LTA: variants seen among roughly 807,000 people sequenced by gnomAD.
The protein encoded by LTA is lymphotoxin alpha, also known as lymphotoxin-alpha.
In LTA, 6 loss-of-function variants were observed where a neutral mutation model predicts 15.1. That is an observed-to-expected ratio of 0.40 (90% confidence interval 0.22 to 0.78). LTA has a LOEUF of 0.78. Ranked by LOEUF, LTA falls within the 30% of genes least tolerant of loss-of-function variation. LTA has a pLI of 0.38. For synonymous variants in LTA, 87 were observed against 107.3 expected, an observed-to-expected ratio of 0.81 and a Z score of 1.17; for missense variants, 173 against 249.5, an observed-to-expected ratio of 0.69 and a Z score of 2.06.
the LTA span, among the ~76,000 whole-genome samples, chr6:31,565,044 G>A: frequency 6.6e-6 from 1 of 152,168 alleles, no homozygotes; most frequent in Non-Finnish European, 1.5e-5. Flanking sequence ...GAAAAGCATG[G>A]CAAATGCAAA....
chr6:31,572,105 C>G (rs887301412), upstream of LTA: 2 of 154,662 alleles, frequency 1.3e-5, no homozygotes, highest in African/African-American at 4.8e-5. Context: ...ACTCAGTCGC[C>G]TGAACCCCCA....
Position 31,573,488 on chromosome 6 carries a change from T to G in LTA, c.413T>G (p.Phe138Cys). The G allele has an allele frequency of 6.2e-7, 1 of 1,613,954 alleles. No homozygotes were observed. The change falls in exon 4 of 4, where the codon TTC (phenylalanine) becomes TGC (cysteine). Residue 138 changes from phenylalanine to cysteine, a missense_variant. By Grantham distance (205) the Phe-to-Cys change is radical. Transcript: ENST00000418386. ...PLYLAHEVQL[F>C]SSQYPFHVPL... ...TACCTGGCCCATGAGGTCCAGCTCT[T>G]CTCCTCCCAGTACCCCTTCCATGTG...
At chr6:31,566,609 C>T in the LTA span, among the ~76,000 whole-genome samples, 1 of 148,416 alleles carries the variant, frequency 6.7e-6, no homozygotes, top group African/African-American at 2.5e-5. Flanking sequence ...CACTGCACTC[C>T]AGCCTGGGTG....
chr6:31,572,782 G>T lies in LTA; in HGVS notation c.40G>T (p.Gly14Cys). 6.2e-7 allele frequency: 1 copy of T among 1,610,806 alleles called. No homozygotes were observed. The highest frequency in any genetic ancestry group is 1.1e-5 in the South Asian group (1 of 91,056). ...ACGTCTCTTCCTCCCAAGGGTGTGTGGCACCACCCTACACCTCCTCCTTCT... is the reference window on the plus strand; with the variant it reads ...ACGTCTCTTCCTCCCAAGGGTGTGTTGCACCACCCTACACCTCCTCCTTCT... ...PERLFLPRVC[G>C]TTLHLLLLGL... Residue 14 changes from glycine (G) to cysteine (C), a missense_variant, in exon 2 of 4, where the codon GGC becomes TGC. Gly to Cys is a radical substitution (Grantham distance 159, BLOSUM62 -3). Coordinates refer to ENST00000418386, the MANE Select transcript of LTA (RefSeq NM_000595.4).
chr6:31,562,896 C>T, the LTA span, among the ~76,000 whole-genome samples: 2 of 149,254 alleles, frequency 1.3e-5, no homozygotes, highest in Non-Finnish European at 3.0e-5. Context: ...TGCGGTGGCT[C>T]ACCCTTGTAA....
At position 31,572,755 on chromosome 6, in the gene LTA, G is replaced by C. The variant is rs886621370; in HGVS notation, c.13G>C (p.Glu5Gln). 6.2e-7 allele frequency: 1 copy of C among 1,608,576 alleles called. No homozygotes were observed. The change falls in exon 2 of 4, where the codon GAA (glutamate) becomes CAA (glutamine). Residue 5 changes from glutamate to glutamine, a missense_variant. By Grantham distance (29) the Glu-to-Gln change is conservative. Coordinates refer to ENST00000418386, the MANE Select transcript of LTA (RefSeq NM_000595.4). MTPP[E>Q]RLFLPRVCGT... The stretch of plus-strand genomic sequence containing the variant: ...GCAGGTTCTCCCCATGACACCACCT[G>C]AACGTCTCTTCCTCCCAAGGGTGTG...
chr6:31,565,962 G>A, the LTA span, among the ~76,000 whole-genome samples: 1 of 151,838 alleles, frequency 6.6e-6, no homozygotes, highest in African/African-American at 2.4e-5. Flanking sequence ...GGTGGATCAC[G>A]AGGTCAGGAG....
At chr6:31,566,313 C>A in the LTA span, among the ~76,000 whole-genome samples, 1 of 152,010 alleles carries the variant, frequency 6.6e-6, no homozygotes, top group East Asian at 1.9e-4. Flanking sequence ...CATTGCACTC[C>A]AACCTGGGCA....
the LTA span, among the ~76,000 whole-genome samples, chr6:31,565,463 A>G: frequency 6.6e-6 from 1 of 152,142 alleles, no homozygotes; most frequent in Non-Finnish European, 1.5e-5. Context: ...AGGGGAAACA[A>G]GTGCCTCAAA....
At chr6:31,572,659 A>T in intron 1 of LTA, 75 bp from the exon 2 acceptor site, 1 of 1,049,878 alleles carries the variant, frequency 9.5e-7, no homozygotes, top group Admixed American at 1.8e-5. Context: ...GCTCTCTCCC[A>T]GGGCGGGAGG....
chr6:31,569,233 T>C (rs1426101265), upstream of LTA, among the ~76,000 whole-genome samples: 2 of 152,158 alleles, frequency 1.3e-5, no homozygotes, highest in African/African-American at 4.8e-5. Context: ...ATTGTCTCTA[T>C]CTCCTGACCT....
At chr6:31,563,359 T>C in the LTA span, among the ~76,000 whole-genome samples, 1 of 152,148 alleles carries the variant, frequency 6.6e-6, no homozygotes, top group African/African-American at 2.4e-5. Context: ...CCACACTTGA[T>C]GGCCTTAAGC....
At chr6:31,571,456 C>G (rs1002269327), upstream of LTA, among the ~76,000 whole-genome samples, 12 of 152,200 alleles carry the variant, frequency 7.9e-5, no homozygotes, top group Admixed American at 6.5e-4. Flanking sequence ...CACCCTTAAG[C>G]CTCACCCATG....
chr6:31,565,941 A>G, the LTA span, among the ~76,000 whole-genome samples: 6,908 of 152,164 alleles, frequency 0.045, 172 homozygotes, highest in South Asian at 0.063. Flanking sequence ...GCACTTTGGG[A>G]GGCCGAGGTG....
At chr6:31,565,463 A>C in the LTA span, among the ~76,000 whole-genome samples, 1 of 152,142 alleles carries the variant, frequency 6.6e-6, no homozygotes, top group African/African-American at 2.4e-5. Context: ...AGGGGAAACA[A>C]GTGCCTCAAA....
At position 31,572,364 on chromosome 6, in the gene LTA, A is replaced by C. The variant is rs2239704; in HGVS notation, c.-92A>C. The C allele has an allele frequency of 0.62, 216,188 of 350,868 alleles. 67,795 individuals are homozygous for C. Among genetic ancestry groups the C allele is most frequent in the African/African-American group, 0.74 (34,930 of 47,428 alleles). 21.7% of individuals were successfully genotyped at this position (350,868 alleles called of 1,614,324 possible). On this transcript the variant is annotated 5_prime_UTR_variant, in exon 1 of 4. Coordinates refer to ENST00000418386, the MANE Select transcript of LTA (RefSeq NM_000595.4). ...TGCTTCGTGCTTTGGACTACCGCCC[A>C]GCAGTGTCCTGCCCTCTGCCTGGGC... is the stretch of plus-strand genomic sequence containing the variant.
intron 3 of LTA, 31 bp downstream of exon 3, chr6:31,573,064 C>T (rs1005451307): frequency 6.4e-7 from 1 of 1,556,370 alleles, no homozygotes. Flanking sequence ...CCAGACATGT[C>T]CCCACCAGCT....
At chr6:31,569,959 C>T (rs367778220), upstream of LTA, among the ~76,000 whole-genome samples, 26 of 152,120 alleles carry the variant, frequency 1.7e-4, no homozygotes, top group African/African-American at 4.1e-4. Flanking sequence ...CCCCCCAGTC[C>T]CAGTCTGTGA....
rs777652215 is a variant in LTA at position 31,573,549 on chromosome 6, G to C, written c.474G>C (p.Gly158=). 1.2e-6 allele frequency: 2 copies of C among 1,614,048 alleles called. No homozygotes were observed. Among genetic ancestry groups the C allele is most frequent in the South Asian group, 1.1e-5 (1 of 91,082 alleles). The change falls in exon 4 of 4, where the codon GGG becomes GGC. Residue 158 remains glycine, a synonymous_variant. Coordinates refer to ENST00000418386, the MANE Select transcript of LTA (RefSeq NM_000595.4). The part of the protein sequence containing the change: ...LLSSQKMVYP[G]LQEPWLHSMY... Reference sequence around the variant, plus strand: ...GCTCCCAGAAGATGGTGTATCCAGGGCTGCAGGAACCCTGGCTGCACTCGA... The same window carrying C: ...GCTCCCAGAAGATGGTGTATCCAGGCCTGCAGGAACCCTGGCTGCACTCGA...
Sources: gnomAD v4.1 joint callset for allele counts (sites outside exome capture counted in the v4.1 genomes callset) on GRCh38, gnomAD v4.1.1 for gene constraint, MANE v1.5 for transcripts, NCBI Gene and HGNC (gene_info 2026-07-23, HGNC 2026-07-21) for gene names.